Variants in MEMO1 observed in about 807,000 individuals in gnomAD.
The protein encoded by MEMO1 is mediator of cell motility 1, also known as protein MEMO1.
Under a neutral mutation model 45.2 loss-of-function variants are expected in MEMO1, and 6 were observed. That is an observed-to-expected ratio of 0.13 (90% CI 0.07 to 0.26). The LOEUF (loss-of-function observed/expected upper bound fraction) is 0.26. MEMO1 is among the 10% of genes least tolerant of loss of function. The pLI is 1.00. For missense variants in MEMO1, 184 were observed against 370.5 expected (o/e 0.50, Z 4.13); for synonymous variants, 78 against 124.3 (o/e 0.63, Z 2.48).
chr2:31,998,376 T>C (rs1672856717), intron 2 of MEMO1, among the ~76,000 whole-genome samples: 1 of 152,186 alleles, frequency 6.6e-6, no homozygotes, highest in Admixed American at 6.5e-5. Flanking sequence ...ATGCTTAATC[T>C]GTATTCCTTA....
At chr2:31,884,254 T>C (rs1352785597) in intron 7 of MEMO1, among the ~76,000 whole-genome samples, 1 of 152,114 alleles carries the variant, frequency 6.6e-6, no homozygotes, top group East Asian at 1.9e-4. Context: ...AGTTAAAAAT[T>C]TTCTTAACTA....
intron 8 of MEMO1, among the ~76,000 whole-genome samples, chr2:31,870,471 A>C (rs1558465696): frequency 6.6e-6 from 1 of 152,196 alleles, no homozygotes; most frequent in Non-Finnish European, 1.5e-5. Flanking sequence ...ATTTTAAATC[A>C]CCAGCATTAA....
intron 7 of MEMO1, among the ~76,000 whole-genome samples, chr2:31,888,630 A>G (rs1676515803): frequency 6.6e-6 from 1 of 152,134 alleles, no homozygotes; most frequent in African/African-American, 2.4e-5. Context: ...AAGCACACAG[A>G]CTAGTGGCAA....
At chr2:31,979,605 A>G (rs1670405461) in intron 2 of MEMO1, among the ~76,000 whole-genome samples, 1 of 152,208 alleles carries the variant, frequency 6.6e-6, no homozygotes, top group Non-Finnish European at 1.5e-5. Flanking sequence ...CTTGAACTAT[A>G]CATTTAAAAA....
At chr2:31,960,446 G>C (rs534912091) in intron 2 of MEMO1, among the ~76,000 whole-genome samples, 1 of 152,000 alleles carries the variant, frequency 6.6e-6, no homozygotes, top group Non-Finnish European at 1.5e-5. Flanking sequence ...ACACAAGCAT[G>C]AAAATAATTA....
chr2:31,880,694 C>G (rs1675228271), intron 8 of MEMO1, among the ~76,000 whole-genome samples: 1 of 152,088 alleles, frequency 6.6e-6, no homozygotes, highest in South Asian at 2.1e-4. Context: ...GAAATGAAAA[C>G]TAGAGTATTA....
chr2:32,002,166 A>T (rs57747272), intron 2 of MEMO1, among the ~76,000 whole-genome samples: 2,867 of 106,452 alleles, frequency 0.027, 32 homozygotes, highest in African/African-American at 0.072. Flanking sequence ...AAAAAAAAAA[A>T]AAATATATAT....
chr2:31,932,253 T>C (rs2148252034), intron 3 of MEMO1, 118 bp from the exon 4 acceptor site: 1 of 743,230 alleles, frequency 1.3e-6, no homozygotes, highest in Non-Finnish European at 2.2e-6. Context: ...TGAGAGCATA[T>C]GTTAAATAAC....
intron 7 of MEMO1, among the ~76,000 whole-genome samples, chr2:31,890,256 C>G (rs1037014414): frequency 6.6e-6 from 1 of 152,064 alleles, no homozygotes; most frequent in Non-Finnish European, 1.5e-5. Context: ...AAAATAATAT[C>G]AAGGGAACTA....
chr2:31,992,936 GA>G (rs961204942), intron 2 of MEMO1, among the ~76,000 whole-genome samples: 10 of 151,554 alleles, frequency 6.6e-5, no homozygotes, highest in African/African-American at 1.5e-4. Flanking sequence ...GAAAACTATG[GA>G]AAAAAAATCA....
chr2:32,007,954 A>T lies in MEMO1; in HGVS notation c.61+2233T>A, dbSNP rs566664713. On this transcript the variant is annotated intron_variant, in intron 2 of 9. Coordinates refer to ENST00000404530, the MANE Select transcript of MEMO1 (RefSeq NM_001301833.4). ...AAAAGTCCCACACTGACTCCCCCAA[A>T]AATTGTCACATATCTGGCCTTAATT... 6.6e-5 allele frequency among the ~76,000 whole-genome samples: 10 copies of T among 152,310 alleles called. No individual in the cohort carries two copies. In the South Asian group the frequency reaches 2.1e-3, roughly 32 times the overall value.
At chr2:31,966,457 G>A (rs973114069) in intron 2 of MEMO1, among the ~76,000 whole-genome samples, 6 of 152,144 alleles carry the variant, frequency 3.9e-5, no homozygotes, top group Admixed American at 6.6e-5. Flanking sequence ...CTGGCCAGGC[G>A]CGGTGGCTCA....
chr2:31,950,378 CA>C (rs540228992), intron 2 of MEMO1, among the ~76,000 whole-genome samples: 104 of 109,518 alleles, frequency 9.5e-4, no homozygotes, highest in Admixed American at 1.4e-3. Context: ...AAGACTCCGT[CA>C]AAAAAAAAAA....
chr2:31,886,619 CAA>C (rs977187887), intron 7 of MEMO1, among the ~76,000 whole-genome samples: 4 of 152,086 alleles, frequency 2.6e-5, no homozygotes, highest in African/African-American at 9.7e-5. Flanking sequence ...ATATGTATCT[CAA>C]GAGCAAATAT....
chr2:31,999,497 C>T (rs1389123172), intron 2 of MEMO1, among the ~76,000 whole-genome samples: 1 of 152,088 alleles, frequency 6.6e-6, no homozygotes, highest in East Asian at 1.9e-4. Flanking sequence ...ACCCGCCCCC[C>T]CATCTCTACC....
intron 2 of MEMO1, among the ~76,000 whole-genome samples, chr2:31,973,804 G>A (rs926815077): frequency 6.6e-6 from 1 of 152,112 alleles, no homozygotes; most frequent in African/African-American, 2.4e-5. Context: ...GTGGTTTATG[G>A]GGGATAAGAG....
chr2:31,982,588 CAA>C (rs60208602), intron 2 of MEMO1, among the ~76,000 whole-genome samples: 28 of 70,064 alleles, frequency 4.0e-4, no homozygotes, highest in Admixed American at 6.5e-4. Context: ...GACTCCGTCT[CAA>C]AAAAAAAAAA....
intron 4 of MEMO1, among the ~76,000 whole-genome samples, chr2:31,921,496 C>T (rs1380821064): frequency 6.6e-6 from 1 of 152,102 alleles, no homozygotes; most frequent in East Asian, 1.9e-4. Flanking sequence ...AGTAAACCAA[C>T]CCACTATGCA....
intron 2 of MEMO1, among the ~76,000 whole-genome samples, chr2:31,969,590 T>TGG (rs1558542022): frequency 1.4e-4 from 6 of 42,970 alleles, no homozygotes; most frequent in East Asian, 8.8e-4. Context: ...TGTGTGGGTG[T>TGG]GTGTGTGTGT....
Sources: gnomAD v4.1 joint callset for allele counts (sites outside exome capture counted in the v4.1 genomes callset) on GRCh38, gnomAD v4.1.1 for gene constraint, MANE v1.5 for transcripts, NCBI Gene and HGNC (gene_info 2026-07-23, HGNC 2026-07-21) for gene names.